Variants in EPM2A observed in about 807,000 individuals in gnomAD.
EPM2A encodes the protein laforin.
A neutral mutation model predicts 26.5 loss-of-function variants in EPM2A; 21 were observed. The ratio of observed to expected loss-of-function variants is 0.79; its 90% confidence interval spans 0.56 to 1.14. EPM2A has a LOEUF of 1.14. Among genes scored for constraint, EPM2A ranks in the 50% most tolerant of loss-of-function variants. The probability of loss-of-function intolerance (pLI) is 0.00; values close to 1 mark genes in which losing one functional copy is unlikely to be tolerated. For synonymous variants in EPM2A, 217 were observed against 177.6 expected, an observed-to-expected ratio of 1.22 and a Z score of -1.76; for missense variants, 458 against 440.8, an observed-to-expected ratio of 1.04 and a Z score of -0.35.
chr6:145,663,616 C>T (rs938081909), intron 2 of EPM2A, among the ~76,000 whole-genome samples: 3 of 151,124 alleles, frequency 2.0e-5, no homozygotes, highest in Non-Finnish European at 4.4e-5. Flanking sequence ...GAGAACTTCC[C>T]CAATCTAGCA....
intron 2 of EPM2A, chr6:145,671,186 G>A (rs541429110): frequency 2.0e-5 from 20 of 1,011,516 alleles, no homozygotes; most frequent in Admixed American, 1.7e-4. Flanking sequence ...TTATAAATGC[G>A]AGCAAAGTAA....
intron 2 of EPM2A, among the ~76,000 whole-genome samples, chr6:145,660,352 G>A (rs553771542): frequency 1.3e-5 from 2 of 152,082 alleles, no homozygotes; most frequent in Admixed American, 1.3e-4. Context: ...TATTATTTAA[G>A]TTGAAAAACT....
chr6:145,651,629 G>A (rs1292408180), intron 2 of EPM2A, among the ~76,000 whole-genome samples: 1 of 152,138 alleles, frequency 6.6e-6, no homozygotes, highest in Non-Finnish European at 1.5e-5. Flanking sequence ...GAATTAAACG[G>A]TGTACTTTTT....
At chr6:145,495,819 C>T in intron 4 of EPM2A, among the ~76,000 whole-genome samples, 1 of 152,196 alleles carries the variant, frequency 6.6e-6, no homozygotes, top group East Asian at 1.9e-4. Flanking sequence ...TCGTGATCTG[C>T]CCACCTCAGC....
intron 1 of EPM2A, among the ~76,000 whole-genome samples, chr6:145,718,916 C>A (rs533166525): frequency 6.6e-6 from 1 of 152,272 alleles, no homozygotes; most frequent in Admixed American, 6.5e-5. Context: ...ATCAAAACCA[C>A]AATGAGATAC....
At chr6:145,642,298 C>G (rs1179120943) in intron 2 of EPM2A, among the ~76,000 whole-genome samples, 1 of 151,716 alleles carries the variant, frequency 6.6e-6, no homozygotes, top group Non-Finnish European at 1.5e-5. Context: ...TTTTTTTTTA[C>G]TTAGTGAACT....
intron 4 of EPM2A, among the ~76,000 whole-genome samples, chr6:145,458,645 A>G (rs1155115): frequency 1 from 152,169 of 152,170 alleles, 76,084 homozygotes; most frequent in Non-Finnish European, 1. Context: ...AGGAAATGGG[A>G]GTCATCTAAT....
intron 1 of EPM2A, among the ~76,000 whole-genome samples, chr6:145,718,476 G>C (rs1225023090): frequency 6.6e-6 from 1 of 151,940 alleles, no homozygotes; most frequent in Non-Finnish European, 1.5e-5. Flanking sequence ...ATTCAAGACA[G>C]ATTAAAGACT....
At chr6:145,390,273 C>T (rs1329674400) in intron 4 of EPM2A, among the ~76,000 whole-genome samples, 1 of 151,924 alleles carries the variant, frequency 6.6e-6, no homozygotes, top group African/African-American at 2.4e-5. Flanking sequence ...GGAGACTAAT[C>T]TGCTTTACTC....
At chr6:145,470,629 T>C (rs1779461303) in intron 4 of EPM2A, among the ~76,000 whole-genome samples, 3 of 152,158 alleles carry the variant, frequency 2.0e-5, no homozygotes, top group Admixed American at 6.6e-5. Flanking sequence ...CATGTGTGTA[T>C]GATTTGCTCT....
Position 145,653,517 on chromosome 6 carries a change from C to T in EPM2A, c.477-18031G>A, listed in dbSNP as rs187959923. 5.2e-3 allele frequency among the ~76,000 whole-genome samples: 798 copies of T among 152,280 alleles called. 4 individuals carry two copies. Among genetic ancestry groups the T allele is most frequent in the African/African-American group, 0.018 (762 of 41,546 alleles). On this transcript the variant is annotated intron_variant, in intron 2 of 3. Transcript: ENST00000367519. ...AGTGTGAGAATGGACTAATACAGCA[C>T]TCAACTGTTATTTTTTTATCTATCA...
intron 2 of EPM2A, among the ~76,000 whole-genome samples, chr6:145,685,238 T>C (rs1780822592): frequency 1.3e-5 from 2 of 152,168 alleles, no homozygotes; most frequent in South Asian, 2.1e-4. Flanking sequence ...CAGGAGTTAG[T>C]AGGTGGAAAT....
chr6:145,390,102 G>A (rs1294934366), intron 4 of EPM2A, among the ~76,000 whole-genome samples: 1 of 152,146 alleles, frequency 6.6e-6, no homozygotes, highest in Non-Finnish European at 1.5e-5. Context: ...CGCTATTGTG[G>A]AAGCTTGGTA....
intron 4 of EPM2A, among the ~76,000 whole-genome samples, chr6:145,393,819 ATTTTTTTTTCTT>A (rs763973231): frequency 8.1e-5 from 12 of 148,466 alleles, no homozygotes; most frequent in Admixed American, 2.0e-4. Flanking sequence ...ACCTATGACT[ATTTTTTTTTCTT>A]TTTTTTTTTT....
chr6:145,502,969 A>C (rs1331411259), intron 2 of EPM2A, among the ~76,000 whole-genome samples: 3 of 152,246 alleles, frequency 2.0e-5, no homozygotes, highest in Non-Finnish European at 4.4e-5. Context: ...CAGATTCCAA[A>C]TGAAAGGACA....
intron 2 of EPM2A, among the ~76,000 whole-genome samples, chr6:145,539,931 C>T (rs1388177171): frequency 2.0e-5 from 3 of 152,162 alleles, no homozygotes; most frequent in African/African-American, 7.2e-5. Context: ...CCACCTTAAA[C>T]ATCCCAGGGC....
chr6:145,455,418 C>T (rs1467406937), intron 4 of EPM2A, among the ~76,000 whole-genome samples: 16 of 152,082 alleles, frequency 1.1e-4, no homozygotes, highest in African/African-American at 1.9e-4. Context: ...AGTACAGTGG[C>T]GGGATCTTGC....
intron 4 of EPM2A, among the ~76,000 whole-genome samples, chr6:145,472,066 C>A (rs1180571084): frequency 6.6e-6 from 1 of 151,200 alleles, no homozygotes; most frequent in Admixed American, 6.6e-5. Context: ...TCTTAGATAC[C>A]AGCTCAACTA....
chr6:145,442,045 C>G (rs934944960), intron 4 of EPM2A, among the ~76,000 whole-genome samples: 1 of 152,212 alleles, frequency 6.6e-6, no homozygotes, highest in African/African-American at 2.4e-5. Context: ...TCTGCTAAAA[C>G]ATAACAAGAG....
Sources: gnomAD v4.1 joint callset for allele counts (sites outside exome capture counted in the v4.1 genomes callset) on GRCh38, gnomAD v4.1.1 for gene constraint, MANE v1.5 for transcripts, NCBI Gene and HGNC (gene_info 2026-07-23, HGNC 2026-07-21) for gene names.